CNTNAP3: variants seen among roughly 807,000 people sequenced by gnomAD.
CNTNAP3 encodes contactin-associated protein-like 3.
Under a neutral mutation model 92.1 loss-of-function variants are expected in CNTNAP3, and 36 were observed. The observed-to-expected ratio is 0.39, with a 90% CI of 0.30 to 0.52. CNTNAP3 has a LOEUF of 0.52. Among genes scored for constraint, CNTNAP3 ranks in the 20% least tolerant of loss-of-function variants. The pLI, the probability that CNTNAP3 is intolerant of heterozygous loss-of-function variation, is 0.76. For missense variants in CNTNAP3, 534 were observed against 1,069.6 expected (o/e 0.50, Z 6.98); for synonymous variants, 232 against 422.3 (o/e 0.55, Z 5.53).
chr9:39,147,303 C>T (rs1821726859), intron 10 of CNTNAP3, among the ~76,000 whole-genome samples: 1 of 150,676 alleles, frequency 6.6e-6, no homozygotes, highest in Non-Finnish European at 1.5e-5. Flanking sequence ...GAAAGGCTGA[C>T]ATGCTTACAG....
rs1338759122 is a variant in CNTNAP3, at chr9:39,069,799, T to C, written c.*4091A>G. Among the ~76,000 whole-genome samples the C allele has an allele frequency of 4.4e-4, 67 of 152,040 alleles. No individual in the cohort carries two copies. Among genetic ancestry groups the C allele is most frequent in the African/African-American group, 1.6e-3 (66 of 41,240 alleles). ...CATCAGCAATGAACTTAGCCTGAGC[T>C]ACATCCATTGGGAGTGATGTGAAGG... On this transcript the variant is annotated 3_prime_UTR_variant, in exon 24 of 24. Coordinates refer to ENST00000297668, the MANE Select transcript of CNTNAP3 (RefSeq NM_033655.5).
chr9:39,097,286 C>G (rs1826348582), intron 18 of CNTNAP3, among the ~76,000 whole-genome samples: 1 of 152,076 alleles, frequency 6.6e-6, no homozygotes, highest in Admixed American at 6.6e-5. Context: ...GGCTACCAAG[C>G]TGTGTATTTT....
chr9:39,139,460 T>C (rs1054891206), intron 12 of CNTNAP3, among the ~76,000 whole-genome samples: 1 of 152,210 alleles, frequency 6.6e-6, no homozygotes, highest in Non-Finnish European at 1.5e-5. Flanking sequence ...CCCTGTAAAG[T>C]TTTACTACTT....
At chr9:39,077,321 G>A (rs895074034) in intron 23 of CNTNAP3, among the ~76,000 whole-genome samples, 1 of 152,020 alleles carries the variant, frequency 6.6e-6, no homozygotes, top group Admixed American at 6.6e-5. Flanking sequence ...CACTTTGGGA[G>A]GCCGAGGCGG....
chr9:39,115,982 C>T lies in CNTNAP3; in HGVS notation c.2237+2121G>A, dbSNP rs939652448. Among the ~76,000 whole-genome samples the T allele has an allele frequency of 6.6e-5, 10 of 152,108 alleles. No homozygotes were observed. In the East Asian group the frequency reaches 1.7e-3, roughly 26 times the overall value. On this transcript the variant is annotated intron_variant, in intron 14 of 23. Coordinates refer to ENST00000297668, the MANE Select transcript of CNTNAP3 (RefSeq NM_033655.5). Reference sequence around the variant, plus strand: ...GACCAGCCTGGCCAATAGTGAAACCCAGTCTCTACTAAAAATACAAAAATT... The same window carrying T: ...GACCAGCCTGGCCAATAGTGAAACCTAGTCTCTACTAAAAATACAAAAATT...
At chr9:39,098,072 A>AGACC (rs1826366839) in intron 18 of CNTNAP3, among the ~76,000 whole-genome samples, 1 of 147,648 alleles carries the variant, frequency 6.8e-6, no homozygotes. Flanking sequence ...GGTGATTTGA[A>AGACC]GACCAACCCT....
intron 23 of CNTNAP3, among the ~76,000 whole-genome samples, chr9:39,076,550 A>T (rs2118369557): frequency 6.6e-6 from 1 of 152,430 alleles, no homozygotes; most frequent in South Asian, 2.1e-4. Flanking sequence ...GAATATCCTC[A>T]ACTGAAATTT....
chr9:39,080,598 C>A (rs1326374572), intron 21 of CNTNAP3, among the ~76,000 whole-genome samples: 1 of 134,544 alleles, frequency 7.4e-6, no homozygotes, highest in Non-Finnish European at 1.6e-5. Context: ...TGACATGATA[C>A]AAGATGGTTT....
chr9:39,146,926 C>A (rs1821716849), intron 10 of CNTNAP3, among the ~76,000 whole-genome samples: 1 of 152,138 alleles, frequency 6.6e-6, no homozygotes, highest in African/African-American at 2.4e-5. Context: ...CCACCCAAAT[C>A]TCATCTTGAA....
chr9:39,106,457 A>T (rs1480727660), intron 15 of CNTNAP3: 2 of 151,658 alleles, frequency 1.3e-5, no homozygotes, highest in African/African-American at 2.4e-5. Context: ...GCTAATTTTT[A>T]GTTTTTTTGT....
At chr9:39,125,843 G>T (rs1158814514) in intron 13 of CNTNAP3, among the ~76,000 whole-genome samples, 1 of 152,118 alleles carries the variant, frequency 6.6e-6, no homozygotes, top group East Asian at 1.9e-4. Context: ...GGGGGAAACT[G>T]ATAGAACTGC....
At chr9:39,116,348 G>A (rs1442239996) in intron 14 of CNTNAP3, among the ~76,000 whole-genome samples, 2 of 151,866 alleles carry the variant, frequency 1.3e-5, no homozygotes, top group East Asian at 3.9e-4. Context: ...GCCCTCACAG[G>A]CAGGAGCCCC....
intron 14 of CNTNAP3, among the ~76,000 whole-genome samples, chr9:39,111,646 A>C (rs2220992): frequency 6.6e-5 from 10 of 152,176 alleles, no homozygotes; most frequent in African/African-American, 1.4e-4. Flanking sequence ...TTACCATTTC[A>C]ACTTCTGTGA....
chr9:39,168,218 C>T (rs1293154461), intron 8 of CNTNAP3, among the ~76,000 whole-genome samples: 2 of 146,610 alleles, frequency 1.4e-5, no homozygotes, highest in Non-Finnish European at 3.1e-5. Context: ...GGGGTTTCAC[C>T]GTGTTAGCCA....
chr9:39,131,590 C>G (rs1325677937), intron 13 of CNTNAP3, among the ~76,000 whole-genome samples: 4 of 151,934 alleles, frequency 2.6e-5, no homozygotes, highest in Non-Finnish European at 5.9e-5. Flanking sequence ...CTTTGGGAGG[C>G]TGAGGCGGGC....
chr9:39,124,837 T>C (rs1180956226), intron 13 of CNTNAP3, among the ~76,000 whole-genome samples: 1 of 152,052 alleles, frequency 6.6e-6, no homozygotes, highest in Non-Finnish European at 1.5e-5. Flanking sequence ...AGAATGATGA[T>C]CATTAAAAAG....
chr9:39,094,594 T>C (rs1324018326), intron 18 of CNTNAP3, among the ~76,000 whole-genome samples: 1 of 151,670 alleles, frequency 6.6e-6, no homozygotes, highest in Non-Finnish European at 1.5e-5. Flanking sequence ...TTATGTTGAA[T>C]AGACTGTTAC....
At chr9:39,105,656 C>T (rs1826586284) in intron 15 of CNTNAP3, among the ~76,000 whole-genome samples, 1 of 152,030 alleles carries the variant, frequency 6.6e-6, no homozygotes, top group Admixed American at 6.6e-5. Flanking sequence ...TTTGTCATAA[C>T]AAAATGATCC....
intron 12 of CNTNAP3, among the ~76,000 whole-genome samples, chr9:39,136,867 T>C (rs914391310): frequency 6.6e-6 from 1 of 152,100 alleles, no homozygotes; most frequent in Non-Finnish European, 1.5e-5. Context: ...ACCATTGCAC[T>C]CCAGCCTGGG....
Sources: gnomAD v4.1 joint callset for allele counts (sites outside exome capture counted in the v4.1 genomes callset) on GRCh38, gnomAD v4.1.1 for gene constraint, MANE v1.5 for transcripts, NCBI Gene and HGNC (gene_info 2026-07-23, HGNC 2026-07-21) for gene names.